The following CPE variants were observed in gnomAD, a reference collection of about 807,000 sequenced individuals.
CPE encodes carboxypeptidase E.
A neutral mutation model predicts 53.5 loss-of-function variants in CPE; 17 were observed. That is an observed-to-expected ratio of 0.32 (90% CI 0.22 to 0.48). The LOEUF is 0.48. Among genes scored for constraint, CPE ranks in the 20% least tolerant of loss-of-function variants. The pLI, the probability that CPE is intolerant of heterozygous loss-of-function variation, is 0.99. For missense variants in CPE, 524 were observed against 614.7 expected (o/e 0.85, Z 1.56); for synonymous variants, 226 against 228.8 (o/e 0.99, Z 0.11).
chr4:165,488,827 C>A (rs896622478), intron 6 of CPE, among the ~76,000 whole-genome samples: 2 of 150,956 alleles, frequency 1.3e-5, no homozygotes, highest in African/African-American at 4.9e-5. Context: ...TTGCTATGGC[C>A]TCCTTTGAAT....
At chr4:165,452,787 C>T (rs1731834346) in intron 1 of CPE, among the ~76,000 whole-genome samples, 1 of 152,152 alleles carries the variant, frequency 6.6e-6, no homozygotes, top group African/African-American at 2.4e-5. Context: ...GTGCCTTCTT[C>T]CCAGATCATT....
chr4:165,455,951 C>T (rs72976134), intron 1 of CPE, among the ~76,000 whole-genome samples: 4 of 152,064 alleles, frequency 2.6e-5, no homozygotes, highest in African/African-American at 9.7e-5. Context: ...CCATGCCTGG[C>T]CACAAGTCAA....
intron 1 of CPE, among the ~76,000 whole-genome samples, chr4:165,431,060 C>T (rs1731400127): frequency 2.0e-5 from 3 of 152,218 alleles, no homozygotes; most frequent in South Asian, 4.1e-4. Flanking sequence ...GAGCCCCATT[C>T]CTAGAGACTT....
At chr4:165,465,662 T>G (rs979258175) in intron 2 of CPE, among the ~76,000 whole-genome samples, 11 of 152,048 alleles carry the variant, frequency 7.2e-5, no homozygotes, top group African/African-American at 2.7e-4. Context: ...TTTTCCAGAT[T>G]GTACCATTAG....
At chr4:165,485,559 T>C (rs1019933095) in intron 5 of CPE, among the ~76,000 whole-genome samples, 1 of 152,296 alleles carries the variant, frequency 6.6e-6, no homozygotes, top group Admixed American at 6.5e-5. Context: ...ATATGATCTA[T>C]GTCAAATTTA....
intron 1 of CPE, among the ~76,000 whole-genome samples, chr4:165,437,900 G>T (rs762651953): frequency 1.3e-5 from 2 of 152,150 alleles, no homozygotes; most frequent in Admixed American, 1.3e-4. Context: ...AGCATGGTGT[G>T]TGACGAGCTG....
intron 6 of CPE, among the ~76,000 whole-genome samples, chr4:165,490,489 C>T (rs182207354): frequency 8.6e-5 from 13 of 151,914 alleles, no homozygotes; most frequent in Admixed American, 8.5e-4. Flanking sequence ...AAAAATTAGC[C>T]GGGCGTGGTG....
intron 1 of CPE, among the ~76,000 whole-genome samples, chr4:165,400,279 G>C (rs1429095103): frequency 1.3e-5 from 2 of 152,186 alleles, no homozygotes; most frequent in African/African-American, 2.4e-5. Context: ...TGCATGACTG[G>C]TGAGGGTGAA....
chr4:165,380,480 T>TG (rs1165400238), intron 1 of CPE, among the ~76,000 whole-genome samples: 3 of 152,194 alleles, frequency 2.0e-5, no homozygotes, highest in Non-Finnish European at 2.9e-5. Flanking sequence ...TTTCGTTATG[T>TG]TTCTGCTTAG....
intron 1 of CPE, among the ~76,000 whole-genome samples, chr4:165,440,895 C>T (rs1047010167): frequency 6.6e-6 from 1 of 151,884 alleles, no homozygotes; most frequent in Non-Finnish European, 1.5e-5. Context: ...TAGCAAATGC[C>T]GGTGTGGTAT....
intron 1 of CPE, among the ~76,000 whole-genome samples, chr4:165,428,905 A>G (rs67911830): frequency 0.29 from 44,695 of 151,678 alleles, 6,749 homozygotes; most frequent in Middle Eastern, 0.39. Flanking sequence ...ATCTGCAAAG[A>G]TTCTATTGTT....
Position 165,384,363 on chromosome 4 carries a change from C to T in CPE, c.307+4835C>T, listed in dbSNP as rs540674859. On this transcript the variant is annotated intron_variant, in intron 1 of 8. Coordinates refer to ENST00000402744, the MANE Select transcript of CPE (RefSeq NM_001873.4). ...TTTACCATGGGATTTCCTCCTCTCC[C>T]GCTGGCTGGTGGCTCACACCTGGTT... is the stretch of plus-strand genomic sequence containing the variant. Among the ~76,000 whole-genome samples, 6 of 152,266 alleles carry T rather than the reference C, an allele frequency of 3.9e-5. No homozygotes were observed. In the South Asian group the frequency reaches 6.2e-4, roughly 16 times the overall value.
chr4:165,404,532 C>T (rs1730922587), intron 1 of CPE: 5 of 866,146 alleles, frequency 5.8e-6, no homozygotes, highest in Non-Finnish European at 1.0e-5. Context: ...CCAAACTGCT[C>T]CCCAAAGGCT....
chr4:165,379,663 G>A lies in CPE; in HGVS notation c.307+135G>A, dbSNP rs1025631416. ...TTGGTAAAAGGTATCTAAGGTGGAA[G>A]GTGGGAAGTGGAGGGAGGGATGGAA... On this transcript the variant is annotated intron_variant, in intron 1 of 8. Transcript: ENST00000402744. This position sits in a 1 kb window ranked among gnomAD's most constrained non-coding sequence, Gnocchi z 6.0. 3.3e-6 allele frequency: 3 copies of A among 910,224 alleles called. No individual in the cohort carries two copies. Among genetic ancestry groups the A allele is most frequent in the South Asian group, 2.2e-5 (1 of 46,378 alleles). The allele number at this position is 910,224 out of a possible 1,614,324, so 56.4% of individuals were successfully genotyped here. A position where few individuals can be genotyped will look rare whatever the true frequency, so the allele number is the denominator to read the frequency against.
intron 5 of CPE, among the ~76,000 whole-genome samples, chr4:165,486,186 C>T (rs1732502062): frequency 6.9e-6 from 1 of 145,236 alleles, no homozygotes. Context: ...TGGCTCCCAT[C>T]AGCAATTCTC....
At chr4:165,454,305 A>G (rs1488640844) in intron 1 of CPE, among the ~76,000 whole-genome samples, 4 of 151,962 alleles carry the variant, frequency 2.6e-5, no homozygotes, top group East Asian at 3.9e-4. Flanking sequence ...TGCGTGGCCT[A>G]CTCCTTCCGA....
Position 165,497,646 on chromosome 4 carries a change from A to G in CPE, c.*36A>G. The G allele has an allele frequency of 4.2e-6, 5 of 1,193,802 alleles. No individual in the cohort carries two copies. Among genetic ancestry groups the G allele is most frequent in the Non-Finnish European group, 5.7e-6 (5 of 873,844 alleles). 74.0% of individuals were successfully genotyped at this position (1,193,802 alleles called of 1,614,324 possible). ...AGTTAGCTGCTTTAAATCTATCTAT[A>G]TAATGTAGTATGATGTAATGTGGTC... On this transcript the variant is annotated 3_prime_UTR_variant, in exon 9 of 9. Coordinates refer to ENST00000402744, the MANE Select transcript of CPE (RefSeq NM_001873.4).
intron 1 of CPE, among the ~76,000 whole-genome samples, chr4:165,461,632 C>T (rs953717973): frequency 3.3e-5 from 5 of 152,154 alleles, no homozygotes; most frequent in Admixed American, 6.5e-5. Context: ...ATTCCTTCAC[C>T]GTTGCCTCAC....
intron 2 of CPE, 129 bp downstream of exon 2, chr4:165,464,715 C>T: frequency 4.4e-6 from 3 of 683,156 alleles, no homozygotes; most frequent in Non-Finnish European, 4.5e-6. Flanking sequence ...ATAAGTGATG[C>T]ATTCATTATT....
Sources: gnomAD v4.1 joint callset for allele counts (sites outside exome capture counted in the v4.1 genomes callset) on GRCh38, gnomAD v4.1.1 for gene constraint, Gnocchi (gnomAD v3.1) non-coding constraint, MANE v1.5 for transcripts, NCBI Gene and HGNC (gene_info 2026-07-23, HGNC 2026-07-21) for gene names.